The following TMC2 variants were observed in gnomAD, a reference collection of about 807,000 sequenced individuals.
The protein encoded by TMC2 is transmembrane channel like 2.
TMC2 carries 102 observed loss-of-function variants against 105.9 expected under a neutral mutation model. The observed-to-expected ratio is 0.96, with a 90% confidence interval of 0.82 to 1.14. The LOEUF (loss-of-function observed/expected upper bound fraction) is 1.14, where lower values mean the gene tolerates loss of function less well. TMC2 is among the 50% of genes most tolerant of loss of function. The pLI is 0.00. For missense variants in TMC2, 1,093 were observed against 1,134.3 expected, an observed-to-expected ratio of 0.96 and a Z score of 0.52; for synonymous variants, 402 against 422.8, an observed-to-expected ratio of 0.95 and a Z score of 0.60.
At chr20:2,594,508 G>A (rs1403944171) in intron 8 of TMC2, among the ~76,000 whole-genome samples, 9 of 152,126 alleles carry the variant, frequency 5.9e-5, no homozygotes, top group African/African-American at 9.7e-5. Flanking sequence ...GATTACGGGC[G>A]TGAGCCACAG....
At chr20:2,576,587 G>A (rs1285816065) in intron 5 of TMC2, among the ~76,000 whole-genome samples, 1 of 152,166 alleles carries the variant, frequency 6.6e-6, no homozygotes, top group Non-Finnish European at 1.5e-5. Flanking sequence ...TCCATCTCTC[G>A]AGGGAGGACT....
chr20:2,556,898 A>G (rs942186674), intron 2 of TMC2, among the ~76,000 whole-genome samples: 1 of 149,316 alleles, frequency 6.7e-6, no homozygotes, highest in Admixed American at 6.7e-5. Flanking sequence ...CACTTTAAAT[A>G]TATCACTCTA....
chr20:2,558,456 G>C lies in TMC2; in HGVS notation c.83G>C (p.Gly28Ala). The change falls in exon 3 of 20, where the codon GGT becomes GCT. Residue 28 changes from glycine (G) to alanine (A), a missense_variant and splice_region_variant. Physicochemically the swap from Gly to Ala is moderately conservative, Grantham distance 60. Transcript: ENST00000358864. The surrounding 1 kb of genome is among the most constrained non-coding windows in gnomAD (Gnocchi z 4.6). ...GRVKSGSPHT[G>A]DRLGRRSSSK... ...ACTGTCCATTTTCCCGCCCCGGCAG[G>C]TGACAGGCTGGGAAGGAGATCCTCA... The C allele has an allele frequency of 6.4e-7, 1 of 1,555,112 alleles. No individual in the cohort carries two copies. The highest frequency in any genetic ancestry group is 1.2e-5 in the South Asian group (1 of 84,214).
At chr20:2,586,048 G>T (rs2086229027) in intron 7 of TMC2, among the ~76,000 whole-genome samples, 1 of 152,150 alleles carries the variant, frequency 6.6e-6, no homozygotes, top group South Asian at 2.1e-4. Context: ...TGAACCCTCT[G>T]GTCCTCAGTG....
At chr20:2,607,334 A>T (rs1390978542) in intron 11 of TMC2, among the ~76,000 whole-genome samples, 1 of 151,932 alleles carries the variant, frequency 6.6e-6, no homozygotes, top group Non-Finnish European at 1.5e-5. Flanking sequence ...AGACCTTCCC[A>T]TTCCTTTATC....
At chr20:2,610,354 T>C (rs2086426051) in intron 11 of TMC2, 65 bp from the exon 12 acceptor site, 4 of 1,448,202 alleles carry the variant, frequency 2.8e-6, no homozygotes, top group South Asian at 2.6e-5. Flanking sequence ...GCCATGGGAG[T>C]GCAGAGATGG....
intron 12 of TMC2, among the ~76,000 whole-genome samples, chr20:2,611,669 C>G (rs1223926754): frequency 6.6e-6 from 1 of 152,204 alleles, no homozygotes; most frequent in Non-Finnish European, 1.5e-5. Flanking sequence ...CCATCATTTA[C>G]TAGACTCTAA....
chr20:2,606,884 CTTTTTTCTT>C (rs1234195244), intron 11 of TMC2, among the ~76,000 whole-genome samples: 3 of 88,258 alleles, frequency 3.4e-5, no homozygotes, highest in African/African-American at 1.8e-4. Flanking sequence ...CCCTTAATTT[CTTTTTTCTT>C]TTTTTTTTTT....
Position 2,643,346 on chromosome 20 carries a change from A to C in TMC2, c.*1995A>C, listed in dbSNP as rs74681083. ...ACCTGGCCTTCTGCATCAGAATGCC[A>C]GGCCCTGAGGCAGGGAACACTCTGC... On this transcript the variant is annotated 3_prime_UTR_variant, in exon 20 of 20. Transcript: ENST00000358864. Among the ~76,000 whole-genome samples the C allele has an allele frequency of 0.11, 16,803 of 152,256 alleles. 1,153 individuals are homozygous for C. The highest frequency in any genetic ancestry group is 0.16 in the Middle Eastern group (48 of 294).
intron 19 of TMC2, among the ~76,000 whole-genome samples, chr20:2,640,471 A>T (rs534759193): frequency 6.6e-6 from 1 of 152,260 alleles, no homozygotes; most frequent in South Asian, 2.1e-4. Flanking sequence ...CAAAGTCCAA[A>T]CTGGGTGCTT....
intron 3 of TMC2, among the ~76,000 whole-genome samples, chr20:2,561,208 A>T (rs945474050): frequency 6.6e-6 from 1 of 152,256 alleles, no homozygotes; most frequent in African/African-American, 2.4e-5. Flanking sequence ...TACTGTTGTC[A>T]ATGCAGATAC....
At chr20:2,546,889 A>G (rs1380908733) in intron 2 of TMC2, among the ~76,000 whole-genome samples, 1 of 152,180 alleles carries the variant, frequency 6.6e-6, no homozygotes, top group Non-Finnish European at 1.5e-5. Flanking sequence ...CTTCCACAGC[A>G]TGCAAAAGAA....
intron 17 of TMC2, among the ~76,000 whole-genome samples, chr20:2,635,197 G>C (rs1457416094): frequency 6.6e-6 from 1 of 152,218 alleles, no homozygotes; most frequent in Non-Finnish European, 1.5e-5. Flanking sequence ...CTGGGCTGCA[G>C]CCTCAAAGGA....
chr20:2,611,893 G>GATGGATGT (rs2086442974), intron 12 of TMC2, among the ~76,000 whole-genome samples: 1 of 140,072 alleles, frequency 7.1e-6, no homozygotes, highest in Non-Finnish European at 1.6e-5. Context: ...TGGGTGGATG[G>GATGGATGT]ATGGATGGAT....
At chr20:2,613,725 T>C in intron 14 of TMC2, 1 of 294,466 alleles carries the variant, frequency 3.4e-6, no homozygotes, top group South Asian at 3.1e-5. Flanking sequence ...ACAATAACCA[T>C]TGGTCCTGTC....
intron 7 of TMC2, among the ~76,000 whole-genome samples, chr20:2,584,443 C>CAA (rs1161913633): frequency 4.0e-4 from 28 of 70,116 alleles, no homozygotes; most frequent in African/African-American, 9.4e-4. Context: ...GACTCCGTCT[C>CAA]AAAAAAAAAA....
At chr20:2,641,080 C>T (rs1376732662) in intron 19 of TMC2, 54 bp from the exon 20 acceptor site, 3 of 1,532,260 alleles carry the variant, frequency 2.0e-6, no homozygotes, top group South Asian at 1.1e-5. Flanking sequence ...GAGCTCCAAT[C>T]CAACCTGTAC....
At chr20:2,562,721 G>A (rs914697678) in intron 4 of TMC2, among the ~76,000 whole-genome samples, 19 of 152,282 alleles carry the variant, frequency 1.2e-4, no homozygotes, top group African/African-American at 4.6e-4. Flanking sequence ...CAAGGCAGGT[G>A]GATCACTTGA....
chr20:2,625,674 C>T (rs181318906), intron 17 of TMC2, among the ~76,000 whole-genome samples: 51 of 152,290 alleles, frequency 3.3e-4, no homozygotes, highest in African/African-American at 1.1e-3. Flanking sequence ...TTCCACTTTT[C>T]GGCTATTGCA....
Sources: allele counts gnomAD v4.1 joint callset (sites outside exome capture counted in the v4.1 genomes callset), GRCh38; gene constraint gnomAD v4.1.1; non-coding constraint Gnocchi (gnomAD v3.1); transcripts MANE v1.5; gene names NCBI Gene and HGNC (gene_info 2026-07-23, HGNC 2026-07-21).